The following DLGAP2 variants were observed in gnomAD, a reference collection of about 807,000 sequenced individuals.
DLGAP2 encodes the protein DLG associated protein 2, also known as disks large-associated protein 2.
DLGAP2 carries 26 observed loss-of-function variants against 100.3 expected under a neutral mutation model. The ratio of observed to expected loss-of-function variants is 0.26; its 90% CI spans 0.19 to 0.36. DLGAP2 has a LOEUF of 0.36. Among genes scored for constraint, DLGAP2 ranks in the 10% least tolerant of loss-of-function variants. DLGAP2 has a pLI of 1.00. For synonymous variants in DLGAP2, 886 were observed against 630.1 expected (o/e 1.41, Z -6.08); for missense variants, 1,858 against 1,453.2 (o/e 1.28, Z -4.53).
chr8:1,031,933 A>C lies in DLGAP2; in HGVS notation c.73+123967A>C, dbSNP rs371264900. Among the ~76,000 whole-genome samples, 560 of 152,328 alleles carry C rather than the reference A, an allele frequency of 3.7e-3. 2 individuals are homozygous for C. Among genetic ancestry groups the C allele is most frequent in the Non-Finnish European group, 6.0e-3 (408 of 68,026 alleles). ...CAGATCTGGATCTTTGGTCCTGAAC[A>C]AGCGAGTCTGTCTGGGGATGTAGGG... On this transcript the variant is annotated intron_variant, in intron 2 of 14. Transcript: ENST00000637795.
intron 7 of DLGAP2, among the ~76,000 whole-genome samples, chr8:1,629,358 C>G (rs748251783): frequency 6.6e-6 from 1 of 152,156 alleles, no homozygotes; most frequent in Non-Finnish European, 1.5e-5. Context: ...AAGGAAAGAC[C>G]GTCCCTAGCC....
At chr8:1,072,215 C>T (rs919420721) in intron 2 of DLGAP2, among the ~76,000 whole-genome samples, 30 of 152,058 alleles carry the variant, frequency 2.0e-4, no homozygotes, top group African/African-American at 7.2e-4. Flanking sequence ...GTGAGGGGAC[C>T]GGGAGCCTCC....
intron 3 of DLGAP2, among the ~76,000 whole-genome samples, chr8:1,474,953 C>T (rs963963507): frequency 6.6e-5 from 10 of 152,144 alleles, no homozygotes; most frequent in South Asian, 2.1e-4. Context: ...CAGCACTATT[C>T]GCAACAGGAA....
chr8:1,587,862 G>A (rs1439665152), intron 6 of DLGAP2, among the ~76,000 whole-genome samples: 1 of 152,002 alleles, frequency 6.6e-6, no homozygotes, highest in Non-Finnish European at 1.5e-5. Context: ...ATTATATGAA[G>A]TCTTAACTTT....
rs1373084535 is a variant in DLGAP2 at position 1,023,645 on chromosome 8, A to T, written c.73+115679A>T. On this transcript the variant is annotated intron_variant, in intron 2 of 14. Transcript: ENST00000637795. ...CAGGACCTGGTGATCATTGTTCCCC[A>T]CGTGTGGCTCAAATATCATTAGCGG... Among the ~76,000 whole-genome samples the T allele has an allele frequency of 7.9e-5, 12 of 151,568 alleles. No individual in the cohort carries two copies. The East Asian group carries it at 2.1e-3, about 27-fold the overall frequency.
chr8:865,612 T>G (rs1045673766), intron 1 of DLGAP2, among the ~76,000 whole-genome samples: 2 of 152,220 alleles, frequency 1.3e-5, no homozygotes, highest in Admixed American at 6.5e-5. Flanking sequence ...GCATATGCAC[T>G]TCCGTGGCAT....
intron 3 of DLGAP2, among the ~76,000 whole-genome samples, chr8:1,318,780 C>T (rs906492113): frequency 1.5e-5 from 1 of 64,530 alleles, no homozygotes; most frequent in Admixed American, 1.7e-4. Flanking sequence ...AGTGATCAGC[C>T]CCCCCCCCGC....
intron 3 of DLGAP2, among the ~76,000 whole-genome samples, chr8:1,431,076 T>C (rs1034342143): frequency 3.3e-5 from 5 of 152,212 alleles, no homozygotes; most frequent in Non-Finnish European, 5.9e-5. Context: ...GCCTGCAAAC[T>C]GTAAAATGGG....
chr8:1,161,420 G>A (rs1585111751), intron 2 of DLGAP2, among the ~76,000 whole-genome samples: 1 of 152,226 alleles, frequency 6.6e-6, no homozygotes, highest in African/African-American at 2.4e-5. Flanking sequence ...CTGGAACAGA[G>A]ATCAAAAGGC....
chr8:1,148,358 G>C (rs1433330796), intron 2 of DLGAP2, among the ~76,000 whole-genome samples: 1 of 151,856 alleles, frequency 6.6e-6, no homozygotes, highest in Non-Finnish European at 1.5e-5. Context: ...TTCTCTATTA[G>C]TTTTAATAGG....
intron 1 of DLGAP2, among the ~76,000 whole-genome samples, chr8:771,116 C>T (rs950624670): frequency 6.6e-6 from 1 of 152,108 alleles, no homozygotes; most frequent in Non-Finnish European, 1.5e-5. Flanking sequence ...GGGTCAGAAT[C>T]AAGTAGTGAT....
intron 3 of DLGAP2, among the ~76,000 whole-genome samples, chr8:1,344,118 G>GGGCCCTGTCGTGGGTCCATGTATTCGA (rs1801488785): frequency 6.7e-6 from 1 of 149,810 alleles, no homozygotes; most frequent in Non-Finnish European, 1.5e-5. Flanking sequence ...CATGTATTCG[G>GGGCCCTGTCGTGGGTCCATGTATTCGA]GGCCCTGTCG....
At chr8:916,130 C>T (rs1798588257) in intron 2 of DLGAP2, among the ~76,000 whole-genome samples, 1 of 152,236 alleles carries the variant, frequency 6.6e-6, no homozygotes, top group African/African-American at 2.4e-5. Context: ...ATGAGTCCTC[C>T]TCACTGTAGA....
chr8:1,276,458 G>T (rs1045945332), intron 3 of DLGAP2, among the ~76,000 whole-genome samples: 1 of 152,054 alleles, frequency 6.6e-6, no homozygotes, highest in South Asian at 2.1e-4. Context: ...GGAAGGGTGA[G>T]GGGGGACGGG....
At chr8:1,246,757 C>G (rs1266294205) in intron 2 of DLGAP2, 5 of 152,246 alleles carry the variant, frequency 3.3e-5, no homozygotes, top group African/African-American at 7.3e-5. Context: ...TGCCCTGACA[C>G]CCGTGCAGAT....
intron 2 of DLGAP2, among the ~76,000 whole-genome samples, chr8:1,241,550 T>C (rs1798796960): frequency 6.6e-6 from 1 of 152,250 alleles, no homozygotes; most frequent in African/African-American, 2.4e-5. Context: ...ATGTTTCCCA[T>C]GGGGGCCTTT....
In DLGAP2 at chr8:1,413,362, A is replaced by G. The variant is rs796271300; in HGVS notation, c.107-88004A>G. On this transcript the variant is annotated intron_variant, in intron 3 of 14. Coordinates refer to ENST00000637795, the MANE Select transcript of DLGAP2 (RefSeq NM_001346810.2). Reference sequence around the variant, plus strand: ...GAAAATGAATTACTATTGTAATATAAATGAACAACCTATTGAAGAAAGGAA... The same window carrying G: ...GAAAATGAATTACTATTGTAATATAGATGAACAACCTATTGAAGAAAGGAA... 7.9e-5 allele frequency among the ~76,000 whole-genome samples: 12 copies of G among 152,366 alleles called. 1 individual carries two copies. The highest frequency in any genetic ancestry group is 2.9e-4 in the African/African-American group (12 of 41,586).
intron 3 of DLGAP2, among the ~76,000 whole-genome samples, chr8:1,439,567 G>A (rs996934908): frequency 6.6e-6 from 1 of 152,108 alleles, no homozygotes; most frequent in Non-Finnish European, 1.5e-5. Flanking sequence ...TCAGTCCCAC[G>A]GCAACACGGT....
At chr8:1,041,621 G>A (rs1397344136) in intron 2 of DLGAP2, among the ~76,000 whole-genome samples, 33 of 121,034 alleles carry the variant, frequency 2.7e-4, no homozygotes, top group African/African-American at 9.4e-4. Context: ...GCCCCTTGCC[G>A]TGGGTGAGTG....
Sources: gnomAD v4.1 joint callset for allele counts (sites outside exome capture counted in the v4.1 genomes callset) on GRCh38, gnomAD v4.1.1 for gene constraint, MANE v1.5 for transcripts, NCBI Gene and HGNC (gene_info 2026-07-23, HGNC 2026-07-21) for gene names.